ARHGAP15: variants seen among roughly 807,000 people sequenced by gnomAD.
ARHGAP15 encodes Rho GTPase activating protein 15, also known as rho GTPase-activating protein 15.
In ARHGAP15, 51 loss-of-function variants were observed where a neutral mutation model predicts 63.7. The observed-to-expected ratio is 0.80, with a 90% CI of 0.64 to 1.01. ARHGAP15 has a LOEUF of 1.01. Ranked by LOEUF, ARHGAP15 falls within the 50% of genes least tolerant of loss-of-function variation. ARHGAP15 has a pLI of 0.00. For missense variants in ARHGAP15, 560 were observed against 564.6 expected, an observed-to-expected ratio of 0.99 and a Z score of 0.08; for synonymous variants, 191 against 193.8, an observed-to-expected ratio of 0.99 and a Z score of 0.12.
intron 12 of ARHGAP15, among the ~76,000 whole-genome samples, chr2:143,702,477 A>T (rs1439839575): frequency 6.6e-6 from 1 of 152,200 alleles, no homozygotes; most frequent in East Asian, 1.9e-4. Context: ...AAAGGATAAC[A>T]TGGAAATAAT....
At chr2:143,645,948 A>T (rs1411947665) in intron 12 of ARHGAP15, among the ~76,000 whole-genome samples, 2 of 152,148 alleles carry the variant, frequency 1.3e-5, no homozygotes, top group Non-Finnish European at 2.9e-5. Context: ...AGCAAAACAC[A>T]TGAAGTGGTT....
intron 11 of ARHGAP15, among the ~76,000 whole-genome samples, chr2:143,582,772 G>A (rs1202521564): frequency 6.6e-6 from 1 of 152,196 alleles, no homozygotes; most frequent in African/African-American, 2.4e-5. Context: ...TTTCCCCAAA[G>A]ACTTCTTTTA....
At chr2:143,494,204 T>C (rs1692713820) in intron 9 of ARHGAP15, among the ~76,000 whole-genome samples, 1 of 152,190 alleles carries the variant, frequency 6.6e-6, no homozygotes, top group Non-Finnish European at 1.5e-5. Context: ...GTCTTTTTTA[T>C]GTGATCATTA....
At chr2:143,735,493 C>T (rs1156796710) in intron 13 of ARHGAP15, among the ~76,000 whole-genome samples, 1 of 152,154 alleles carries the variant, frequency 6.6e-6, no homozygotes, top group Non-Finnish European at 1.5e-5. Flanking sequence ...AGAATTGTAT[C>T]GTATCAGCTT....
chr2:143,517,983 G>A (rs1395004942), intron 9 of ARHGAP15, among the ~76,000 whole-genome samples: 3 of 152,054 alleles, frequency 2.0e-5, no homozygotes, highest in Non-Finnish European at 2.9e-5. Context: ...GTTACAGTAG[G>A]GACTTTGATT....
At chr2:143,568,086 A>G (rs571982252) in intron 11 of ARHGAP15, among the ~76,000 whole-genome samples, 1 of 152,250 alleles carries the variant, frequency 6.6e-6, no homozygotes, top group Admixed American at 6.5e-5. Context: ...AAACTAGGCA[A>G]TACCATTCAG....
intron 6 of ARHGAP15, among the ~76,000 whole-genome samples, chr2:143,286,506 T>C (rs1016764937): frequency 6.6e-6 from 1 of 152,248 alleles, no homozygotes; most frequent in Non-Finnish European, 1.5e-5. Context: ...TGAAATCATA[T>C]TCATGTTTGT....
rs374101378 is a variant in ARHGAP15, at chr2:143,542,769, AAT to A, written c.926-13630_926-13629del. ...ATGATATATATAATATCACATATATAATATATATATGATATATATAATATCAC... is the reference window on the plus strand; with the variant it reads ...ATGATATATATAATATCACATATATAATATATATGATATATATAATATCAC... On this transcript the variant is annotated intron_variant, in intron 10 of 13. Coordinates refer to ENST00000295095, the MANE Select transcript of ARHGAP15 (RefSeq NM_018460.4). Among the ~76,000 whole-genome samples the A allele has an allele frequency of 2.1e-3, 192 of 89,492 alleles. 11 individuals carry two copies. The highest frequency in any genetic ancestry group is 3.2e-3 in the African/African-American group (95 of 29,874). The allele number at this position is 89,492 out of a possible 152,430, so 58.7% of individuals were successfully genotyped here.
intron 6 of ARHGAP15, among the ~76,000 whole-genome samples, chr2:143,414,460 A>G (rs896383495): frequency 4.6e-5 from 7 of 152,160 alleles, no homozygotes; most frequent in Admixed American, 6.5e-5. Context: ...AATTATTTTT[A>G]GGAAAATTTA....
chr2:143,341,040 G>T (rs1341887804), intron 6 of ARHGAP15, among the ~76,000 whole-genome samples: 1 of 151,856 alleles, frequency 6.6e-6, no homozygotes, highest in Non-Finnish European at 1.5e-5. Context: ...ACTTAGTTTT[G>T]TCCATTGATG....
intron 10 of ARHGAP15, among the ~76,000 whole-genome samples, chr2:143,524,483 T>G (rs1391580730): frequency 6.6e-6 from 1 of 152,230 alleles, no homozygotes; most frequent in Non-Finnish European, 1.5e-5. Flanking sequence ...ATTATATGTT[T>G]GTGTAATGGA....
chr2:143,311,823 C>T (rs570436098), intron 6 of ARHGAP15, among the ~76,000 whole-genome samples: 40 of 152,152 alleles, frequency 2.6e-4, no homozygotes, highest in Middle Eastern at 6.8e-3. Flanking sequence ...GATGGCAAAC[C>T]GGTTCAACAG....
At chr2:143,693,715 G>T (rs1284061428) in intron 12 of ARHGAP15, among the ~76,000 whole-genome samples, 1 of 152,076 alleles carries the variant, frequency 6.6e-6, no homozygotes, top group African/African-American at 2.4e-5. Flanking sequence ...TATGTCATTA[G>T]GACGTTGATA....
chr2:143,648,508 T>C (rs1681003757), intron 12 of ARHGAP15, among the ~76,000 whole-genome samples: 4 of 152,014 alleles, frequency 2.6e-5, no homozygotes. Flanking sequence ...TGGATCTACA[T>C]GTTGAAGCTG....
intron 3 of ARHGAP15, among the ~76,000 whole-genome samples, chr2:143,215,436 A>G (rs1316699900): frequency 6.6e-6 from 1 of 152,166 alleles, no homozygotes; most frequent in Non-Finnish European, 1.5e-5. Flanking sequence ...TAGATTAAAT[A>G]TACTTAAGAC....
At chr2:143,343,933 A>G (rs1685165315) in intron 6 of ARHGAP15, 3 of 152,130 alleles carry the variant, frequency 2.0e-5, no homozygotes, top group Non-Finnish European at 4.4e-5. Flanking sequence ...TGTCTGCCAA[A>G]ATTGATTTGC....
At chr2:143,317,590 A>T (rs776569269) in intron 6 of ARHGAP15, among the ~76,000 whole-genome samples, 1 of 152,250 alleles carries the variant, frequency 6.6e-6, no homozygotes, top group Non-Finnish European at 1.5e-5. Context: ...TGCGTGAAAC[A>T]GCATACCTGT....
At chr2:143,194,809 C>A (rs954772649) in intron 2 of ARHGAP15, among the ~76,000 whole-genome samples, 8 of 152,088 alleles carry the variant, frequency 5.3e-5, no homozygotes, top group African/African-American at 1.9e-4. Context: ...TTATCTATAA[C>A]TAATTTTTAT....
rs1693803739 is a variant in ARHGAP15, at chr2:143,240,013, A to AC, written c.385-10498_385-10497insC. Among the ~76,000 whole-genome samples the AC allele has an allele frequency of 8.1e-5, 12 of 148,022 alleles. No individual in the cohort carries two copies. The South Asian group carries it at 2.6e-3, about 32-fold the overall frequency. ...CTCAAAAAAAAAAAAAAAAAAAAAAAAAAAAAAACCACACATGCACACATG... is the reference window on the plus strand; with the variant it reads ...CTCAAAAAAAAAAAAAAAAAAAAAAACAAAAAAAACCACACATGCACACATG... On this transcript the variant is annotated intron_variant, in intron 5 of 13. Transcript: ENST00000295095.
Sources: gnomAD v4.1 joint callset for allele counts (sites outside exome capture counted in the v4.1 genomes callset) on GRCh38, gnomAD v4.1.1 for gene constraint, MANE v1.5 for transcripts, NCBI Gene and HGNC (gene_info 2026-07-23, HGNC 2026-07-21) for gene names.